Variants in ZNRF1 observed in about 807,000 individuals in gnomAD.
ZNRF1 encodes zinc and ring finger 1, also known as E3 ubiquitin-protein ligase ZNRF1.
ZNRF1 carries 3 observed loss-of-function variants against 18.4 expected under a neutral mutation model. The ratio of observed to expected loss-of-function variants is 0.16; its 90% CI spans 0.07 to 0.42. The LOEUF is 0.42. Ranked by LOEUF, ZNRF1 falls within the 10% of genes least tolerant of loss-of-function variation. The pLI, the probability that ZNRF1 is intolerant of heterozygous loss-of-function variation, is 0.99. For missense variants in ZNRF1, 310 were observed against 329.8 expected (o/e 0.94, Z 0.47); for synonymous variants, 157 against 144.2 (o/e 1.09, Z -0.64).
Position 75,104,836 on chromosome 16 carries a change from G to A in ZNRF1, c.573G>A (p.Leu191=). 6.2e-7 allele frequency: 1 copy of A among 1,611,156 alleles called. No homozygotes were observed. The highest frequency in any genetic ancestry group is 8.5e-7 in the Non-Finnish European group (1 of 1,179,162). ...AGECVICLEE[L]LQGDTIARLP... Reference sequence around the variant, plus strand: ...AGTGTGTGATCTGCCTGGAGGAGCTGCTGCAGGGGGACACGATAGCCAGGC... The same window carrying A: ...AGTGTGTGATCTGCCTGGAGGAGCTACTGCAGGGGGACACGATAGCCAGGC... The change falls in exon 3 of 5, where the codon CTG becomes CTA. Residue 191 remains leucine (L), a synonymous_variant. Transcript: ENST00000335325.
chr16:75,020,475 A>C (rs1476638893), intron 1 of ZNRF1, among the ~76,000 whole-genome samples: 1 of 151,980 alleles, frequency 6.6e-6, no homozygotes. Context: ...TTATTATTTC[A>C]TATCTTACTT....
chr16:75,028,015 C>A (rs1156255089), intron 1 of ZNRF1, among the ~76,000 whole-genome samples: 1 of 152,160 alleles, frequency 6.6e-6, no homozygotes, highest in Non-Finnish European at 1.5e-5. Context: ...TGTATATCTG[C>A]CTTTTCCCCC....
At chr16:75,095,238 C>T (rs1354620105) in intron 2 of ZNRF1, 1 of 166,570 alleles carries the variant, frequency 6.0e-6, no homozygotes, top group Non-Finnish European at 1.3e-5. Context: ...GCACGGCCCT[C>T]CCCTGGGCAT....
At chr16:75,100,370 C>T (rs774538899) in intron 2 of ZNRF1, among the ~76,000 whole-genome samples, 2 of 152,198 alleles carry the variant, frequency 1.3e-5, no homozygotes, top group South Asian at 4.1e-4. Context: ...CAAGAAGAAT[C>T]GCCCTCGCGC....
intron 2 of ZNRF1, 177 bp from the exon 3 acceptor site, chr16:75,104,607 T>C (rs1041905221): frequency 5.6e-6 from 3 of 533,814 alleles, no homozygotes; most frequent in Non-Finnish European, 1.0e-5. Flanking sequence ...GTCCACGCAT[T>C]ATCTCCACGG....
chr16:75,025,665 C>A (rs777520482), intron 1 of ZNRF1, among the ~76,000 whole-genome samples: 7 of 152,184 alleles, frequency 4.6e-5, no homozygotes. Flanking sequence ...GAGGACATTT[C>A]GTAAGAGGGG....
chr16:75,075,132 T>TA (rs1475617116), intron 1 of ZNRF1, among the ~76,000 whole-genome samples: 1 of 152,166 alleles, frequency 6.6e-6, no homozygotes, highest in African/African-American at 2.4e-5. Flanking sequence ...AGGCTCCTCC[T>TA]ACTCTTCATT....
intron 1 of ZNRF1, among the ~76,000 whole-genome samples, chr16:75,006,711 C>T (rs761584868): frequency 2.0e-5 from 3 of 152,222 alleles, no homozygotes; most frequent in Non-Finnish European, 4.4e-5. Flanking sequence ...GCTGGCATTA[C>T]AGGCATGAGC....
chr16:75,096,608 A>G (rs772953614), intron 2 of ZNRF1, among the ~76,000 whole-genome samples: 9 of 152,184 alleles, frequency 5.9e-5, no homozygotes, highest in Admixed American at 4.6e-4. Context: ...AAGATTCACT[A>G]GAACTCCTGG....
At chr16:75,073,140 C>CTG (rs2035892200) in intron 1 of ZNRF1, among the ~76,000 whole-genome samples, 3 of 140,360 alleles carry the variant, frequency 2.1e-5, no homozygotes, top group Middle Eastern at 3.6e-3. Context: ...CTCTCTCTCT[C>CTG]TCTCTCTCTC....
intron 1 of ZNRF1, among the ~76,000 whole-genome samples, chr16:75,053,488 CTG>C (rs1434698022): frequency 6.6e-6 from 1 of 150,698 alleles, no homozygotes; most frequent in East Asian, 2.0e-4. Context: ...ACTCAAGAGA[CTG>C]AGGCAGGAGA....
At chr16:75,107,420 A>C in intron 4 of ZNRF1, 1 of 200,420 alleles carries the variant, frequency 5.0e-6, no homozygotes, top group Admixed American at 5.5e-5. Flanking sequence ...TTCTTTTGTT[A>C]GGTTTATTTT....
chr16:75,001,723 G>A (rs2034851880), intron 1 of ZNRF1, among the ~76,000 whole-genome samples: 1 of 152,186 alleles, frequency 6.6e-6, no homozygotes, highest in African/African-American at 2.4e-5. Flanking sequence ...AAAAACATAT[G>A]AGATATGTAG....
chr16:75,095,709 A>AAATGCAGAGTTACCCCCACTGCCCT, intron 2 of ZNRF1: 1 of 1,548,622 alleles, frequency 6.5e-7, no homozygotes, highest in Non-Finnish European at 8.7e-7. Context: ...CCCATGGCCC[A>AAATGCAGAGTTACCCCCACTGCCCT]AATGCAGAGT....
intron 2 of ZNRF1, among the ~76,000 whole-genome samples, chr16:75,093,884 G>A (rs920606328): frequency 6.6e-6 from 1 of 152,204 alleles, no homozygotes; most frequent in Admixed American, 6.5e-5. Context: ...AAGGCCCAGG[G>A]GTCAGGTCCG....
intron 1 of ZNRF1, among the ~76,000 whole-genome samples, chr16:75,077,907 T>C (rs2035961948): frequency 6.6e-6 from 1 of 152,200 alleles, no homozygotes; most frequent in Non-Finnish European, 1.5e-5. Flanking sequence ...CTTTCCATAA[T>C]AAAGATGCTG....
At chr16:75,006,132 G>A (rs753682709) in intron 1 of ZNRF1, among the ~76,000 whole-genome samples, 8 of 152,298 alleles carry the variant, frequency 5.3e-5, no homozygotes, top group Non-Finnish European at 7.4e-5. Context: ...ATGTAGGGTG[G>A]TGCGTCATGG....
rs1274322158 is a variant in ZNRF1, at chr16:75,017,058, T to G, written c.424+16963T>G. ...AACCCACCCTAATGGGCAGTTTCAT[T>G]TTTTTCCCTACTATATTGCACAAAC... On this transcript the variant is annotated intron_variant, in intron 1 of 4. Transcript: ENST00000335325. Among the ~76,000 whole-genome samples the G allele has an allele frequency of 2.0e-5, 3 of 152,172 alleles. No individual in the cohort carries two copies. In the South Asian group the frequency reaches 6.2e-4, roughly 32 times the overall value.
intron 3 of ZNRF1, 167 bp from the exon 4 acceptor site, chr16:75,106,315 G>A (rs374683806): frequency 7.6e-5 from 50 of 657,568 alleles, no homozygotes; most frequent in Non-Finnish European, 1.1e-4. Flanking sequence ...ACCCTTCTTC[G>A]TGCTTCAGAA....
Sources: gnomAD v4.1 joint callset for allele counts (sites outside exome capture counted in the v4.1 genomes callset) on GRCh38, gnomAD v4.1.1 for gene constraint, MANE v1.5 for transcripts, NCBI Gene and HGNC (gene_info 2026-07-23, HGNC 2026-07-21) for gene names.